Variants in POMGNT1 observed in about 807,000 individuals in gnomAD.
POMGNT1 encodes the protein protein O-linked-mannose beta-1,2-N-acetylglucosaminyltransferase 1.
In POMGNT1, 67 loss-of-function variants were observed where a neutral mutation model predicts 95.6. The observed-to-expected ratio is 0.70, with a 90% confidence interval of 0.58 to 0.86. The LOEUF (loss-of-function observed/expected upper bound fraction) is 0.86, where lower values mean the gene tolerates loss of function less well. Among genes scored for constraint, POMGNT1 ranks in the 40% least tolerant of loss-of-function variants. POMGNT1 has a pLI of 0.00. For missense variants in POMGNT1, 719 were observed against 855.2 expected (o/e 0.84, Z 1.99); for synonymous variants, 298 against 317.9 (o/e 0.94, Z 0.66).
At chr1:46,203,517 C>A in intron 1 of POMGNT1, 1 of 1,561,652 alleles carries the variant, frequency 6.4e-7, no homozygotes, top group Non-Finnish European at 8.7e-7. Flanking sequence ...GCTCCGCGGG[C>A]TGCGAGGCGA....
rs777907605 is a variant in POMGNT1, at chr1:46,190,475, G to A, written c.1647C>T (p.Leu549=). The A allele has an allele frequency of 6.9e-6, 11 of 1,598,438 alleles. No homozygotes were observed. Among genetic ancestry groups the A allele is most frequent in the Non-Finnish European group, 9.4e-6 (11 of 1,165,876 alleles). Residue 549 remains leucine, a splice_region_variant and synonymous_variant, in exon 19 of 22, where the codon CTC becomes CTT. Coordinates refer to ENST00000371984, the MANE Select transcript of POMGNT1 (RefSeq NM_017739.4). ...EAYEVEVHRL[L]SEAEVLDHSK... is the part of the protein sequence containing the mutation. ...ACCCCAATTGTCCTAGGCCATACCT[G>A]AGCAGCCTGTGAACTTCCACTTCAT...
upstream of POMGNT1, chr1:46,203,287 T>C (rs991334234): frequency 5.0e-5 from 27 of 540,104 alleles, no homozygotes; most frequent in Non-Finnish European, 8.3e-5. Flanking sequence ...TTCTGAGTGT[T>C]ACGGCGCCCT....
intron 6 of POMGNT1, chr1:46,195,583 T>C (rs1269017950): frequency 3.3e-6 from 2 of 601,590 alleles, no homozygotes; most frequent in African/African-American, 1.8e-5. Flanking sequence ...GTGGGGACTC[T>C]GTCTTGTTTC....
intron 1 of POMGNT1, among the ~76,000 whole-genome samples, chr1:46,208,747 A>G (rs1463792660): frequency 6.6e-6 from 1 of 152,144 alleles, no homozygotes. Flanking sequence ...AAGCTGAGGC[A>G]GGAAAATCGC....
intron 17 of POMGNT1, 75 bp from the exon 18 acceptor site, chr1:46,190,859 T>C: frequency 1.5e-6 from 2 of 1,359,222 alleles, no homozygotes; most frequent in African/African-American, 2.9e-5. Context: ...CAGCCAGACA[T>C]CTATAAGACA....
At chr1:46,202,676 G>A (rs189127292), upstream of POMGNT1, among the ~76,000 whole-genome samples, 9 of 114,884 alleles carry the variant, frequency 7.8e-5, no homozygotes, top group East Asian at 1.9e-3. Context: ...CATCCTGGGC[G>A]ACAGAGCGAG....
chr1:46,192,866 G>T (rs1480615051), intron 14 of POMGNT1, 34 bp downstream of exon 14: 1 of 1,613,768 alleles, frequency 6.2e-7, no homozygotes, highest in Non-Finnish European at 8.5e-7. Flanking sequence ...TGCAGACTGA[G>T]GGACCTCAAC....
In POMGNT1 at chr1:46,193,624, C is replaced by T. The variant is rs1216112245; in HGVS notation, c.966G>A (p.Leu322=). 1 of 1,614,200 alleles carries T rather than the reference C, an allele frequency of 6.2e-7. No individual in the cohort carries two copies. Among genetic ancestry groups the T allele is most frequent in the Non-Finnish European group, 8.5e-7 (1 of 1,180,036 alleles). Residue 322 remains leucine, a synonymous_variant, in exon 11 of 22, where the codon CTG becomes CTA. Transcript: ENST00000371984. The part of the protein sequence containing the change: ...PNYLYRMLRS[L]LSAQGVSPQM... Reference sequence around the variant, plus strand: ...GAGGAGACACCCCCTGGGCTGAAAGCAGAGAGCGCAGCATCCTGGGGAGCC... The same window carrying T: ...GAGGAGACACCCCCTGGGCTGAAAGTAGAGAGCGCAGCATCCTGGGGAGCC...
intron 17 of POMGNT1, chr1:46,191,814 T>G (rs939260278): frequency 1.1e-5 from 4 of 376,866 alleles, no homozygotes; most frequent in Non-Finnish European, 2.0e-5. Context: ...TTTTGTATTT[T>G]TAGTAGAGAT....
At chr1:46,208,460 G>C (rs1206993467) in intron 1 of POMGNT1, among the ~76,000 whole-genome samples, 5 of 152,088 alleles carry the variant, frequency 3.3e-5, no homozygotes, top group Admixed American at 3.3e-4. Context: ...ATTCCATCTC[G>C]AGGAAGGGCA....
In POMGNT1 at chr1:46,213,073, A is replaced by T. The variant is rs370112267; in HGVS notation, c.-51+6632T>A. ...AACATTTTGATCAATGATAGACTAC[A>T]TATGTCAAATAAACATTTATCATGT... On this transcript the variant is annotated intron_variant, in intron 1 of 22. Coordinates refer to the POMGNT1 transcript ENST00000371992. Among the ~76,000 whole-genome samples the T allele has an allele frequency of 4.6e-5, 7 of 152,244 alleles. No homozygotes were observed. The East Asian group carries it at 1.4e-3, about 29-fold the overall frequency.
chr1:46,193,219 G>C lies in POMGNT1; in HGVS notation c.1111-4C>G, dbSNP rs1027899021. The C allele has an allele frequency of 1.9e-6, 3 of 1,614,194 alleles. No homozygotes were observed. Among genetic ancestry groups the C allele is most frequent in the Admixed American group, 1.7e-5 (1 of 60,020 alleles). ...CAGTGAGGCTGGCCTTGTAGTGCTG[G>C]GAGTGGGGTGGGAATAGGGCACATG... On this transcript the variant is annotated splice_region_variant and splice_polypyrimidine_tract_variant and intron_variant, in intron 12 of 21. Transcript: ENST00000371984.
At chr1:46,214,503 A>G (rs1013633197) in intron 1 of POMGNT1, among the ~76,000 whole-genome samples, 1 of 152,246 alleles carries the variant, frequency 6.6e-6, no homozygotes, top group African/African-American at 2.4e-5. Context: ...AAAGGTAAAC[A>G]TTCAGAGAAC....
rs1340359956 is a variant in POMGNT1, at chr1:46,197,002, G to C, written c.203C>G (p.Ala68Gly). 1 of 1,614,178 alleles carries C rather than the reference G, an allele frequency of 6.2e-7. No individual in the cohort carries two copies. Among genetic ancestry groups the C allele is most frequent in the Non-Finnish European group, 8.5e-7 (1 of 1,180,018 alleles). The change falls in exon 3 of 22, where the codon GCC becomes GGC. Residue 68 changes from alanine (A) to glycine (G), a missense_variant. Ala to Gly is a moderately conservative substitution (Grantham distance 60). Around this residue, in one of 5 missense-constraint regions of POMGNT1, gnomAD observed 466 missense variants for 517.4 expected, o/e 0.90. Coordinates refer to ENST00000371984, the MANE Select transcript of POMGNT1 (RefSeq NM_017739.4). ...ILDTRRAISE[A>G]NEDPEPEQDY... Reference sequence around the variant, plus strand: ...TTGCTCTGGCTCTGGGTCTTCATTGGCTTCACTGATGGCTCGCCGAGTGTC... The same window carrying C: ...TTGCTCTGGCTCTGGGTCTTCATTGCCTTCACTGATGGCTCGCCGAGTGTC...
upstream of POMGNT1, among the ~76,000 whole-genome samples, chr1:46,199,004 C>T (rs1023517108): frequency 4.6e-5 from 7 of 152,092 alleles, no homozygotes; most frequent in African/African-American, 1.4e-4. Context: ...TGCAGTGGCA[C>T]CATCTCGGCT....
intron 18 of POMGNT1, 95 bp downstream of exon 18, chr1:46,190,625 G>C: frequency 6.5e-7 from 1 of 1,532,600 alleles, no homozygotes; most frequent in Non-Finnish European, 9.0e-7. Flanking sequence ...CGCAGGGCTG[G>C]AGTAAACACA....
rs901088791 is a variant in POMGNT1 at position 46,189,646 on chromosome 1, C to A, written c.1786-79G>T. On this transcript the variant is annotated intron_variant, in intron 20 of 21. Coordinates refer to ENST00000371984, the MANE Select transcript of POMGNT1 (RefSeq NM_017739.4). Reference sequence around the variant, plus strand: ...GTCACTGACGACCCTTTGGCCCAGCCCCCACCCCTCCTCAGAAACCACCTC... The same window carrying A: ...GTCACTGACGACCCTTTGGCCCAGCACCCACCCCTCCTCAGAAACCACCTC... 4.5e-6 allele frequency: 7 copies of A among 1,558,770 alleles called. No homozygotes were observed. The African/African-American group carries it at 8.1e-5, about 18-fold the overall frequency.
intron 6 of POMGNT1, 36 bp downstream of exon 6, chr1:46,195,775 G>T: frequency 6.5e-7 from 1 of 1,542,446 alleles, no homozygotes; most frequent in East Asian, 2.4e-5. Context: ...GTTGGAGCTA[G>T]GGAGTAGGGG....
At chr1:46,210,680 C>A (rs1409167034) in intron 1 of POMGNT1, among the ~76,000 whole-genome samples, 2 of 152,196 alleles carry the variant, frequency 1.3e-5, no homozygotes, top group Non-Finnish European at 2.9e-5. Flanking sequence ...TGGGGCAAGG[C>A]ATACGGGAAG....
Sources: gnomAD v4.1 joint callset for allele counts (sites outside exome capture counted in the v4.1 genomes callset) on GRCh38, gnomAD v4.1.1 for gene constraint, gnomAD v4.1.1 regional missense constraint, MANE v1.5 for transcripts, NCBI Gene and HGNC (gene_info 2026-07-23, HGNC 2026-07-21) for gene names.